CTTNBP2: variants seen among roughly 807,000 people sequenced by gnomAD.
CTTNBP2 encodes the protein cortactin binding protein 2.
In CTTNBP2, 108 loss-of-function variants were observed where a neutral mutation model predicts 156.9. The ratio of observed to expected loss-of-function variants is 0.69; its 90% CI spans 0.59 to 0.81. The LOEUF (loss-of-function observed/expected upper bound fraction) is 0.81. Ranked by LOEUF, CTTNBP2 falls within the 30% of genes least tolerant of loss-of-function variation. The pLI is 0.00. For synonymous variants in CTTNBP2, 767 were observed against 751.8 expected (o/e 1.02, Z -0.33); for missense variants, 1,924 against 2,035.4 (o/e 0.95, Z 1.05).
chr7:117,787,471 T>C lies in CTTNBP2; in HGVS notation c.2069-3017A>G, dbSNP rs12532899. 6.8e-3 allele frequency among the ~76,000 whole-genome samples: 1,034 copies of C among 152,258 alleles called. 9 individuals are homozygous for C. The highest frequency in any genetic ancestry group is 0.023 in the African/African-American group (957 of 41,540). The stretch of plus-strand genomic sequence containing the variant: ...ATTTAGCCTTTAAGCCAATCATACA[T>C]GGAGGATAATTTTTAAAAGATATGT... On this transcript the variant is annotated intron_variant, in intron 4 of 22. Coordinates refer to ENST00000160373, the MANE Select transcript of CTTNBP2 (RefSeq NM_033427.3).
intron 22 of CTTNBP2, 24 bp from the exon 23 acceptor site, chr7:117,711,806 A>G (rs1794072987): frequency 6.3e-7 from 1 of 1,593,864 alleles, no homozygotes; most frequent in South Asian, 1.1e-5. Context: ...GAAACCACAC[A>G]AGTTTATCAC....
At chr7:117,757,824 G>A in intron 11 of CTTNBP2, 51 bp downstream of exon 11, 1 of 1,239,506 alleles carries the variant, frequency 8.1e-7, no homozygotes, top group Non-Finnish European at 1.1e-6. Flanking sequence ...CTCTGAGGCA[G>A]CCATGAAGCA....
At chr7:117,718,507 GATATTATGACGATTCAA>G (rs1794589411) in intron 21 of CTTNBP2, among the ~76,000 whole-genome samples, 2 of 152,154 alleles carry the variant, frequency 1.3e-5, no homozygotes, top group African/African-American at 2.4e-5. Context: ...CTTTGTCGTA[GATATTATGACGATTCAA>G]ATAATACAGT....
Position 117,710,852 on chromosome 7 carries a change from AAAGAT to A in CTTNBP2, c.*680_*684del, listed in dbSNP as rs1438099287. 1 of 152,602 alleles carries A rather than the reference AAAGAT, an allele frequency of 6.6e-6. No homozygotes were observed. The highest frequency in any genetic ancestry group is 2.4e-5 in the African/African-American group (1 of 41,452). The allele number at this position is 152,602 out of a possible 1,614,324, so 9.5% of individuals were successfully genotyped here. ...CACTTAGGTACAAAACTTTTGTAAG[AAAGAT>A]AACACTTTTATTGCATTATAATTTC... On this transcript the variant is annotated 3_prime_UTR_variant, in exon 23 of 23. Transcript: ENST00000160373.
chr7:117,864,166 T>A (rs1278338913), intron 1 of CTTNBP2, among the ~76,000 whole-genome samples: 1 of 152,160 alleles, frequency 6.6e-6, no homozygotes, highest in Non-Finnish European at 1.5e-5. Flanking sequence ...ACTTCTGTTT[T>A]TCTATGTATT....
At chr7:117,821,319 G>T (rs1454556931) in intron 2 of CTTNBP2, among the ~76,000 whole-genome samples, 10 of 151,238 alleles carry the variant, frequency 6.6e-5, no homozygotes, top group Admixed American at 6.6e-4. Context: ...CAATTATGTT[G>T]GCTGTGTGGT....
intron 2 of CTTNBP2, among the ~76,000 whole-genome samples, chr7:117,811,353 T>G (rs1460408108): frequency 1.3e-5 from 2 of 152,028 alleles, no homozygotes; most frequent in African/African-American, 4.8e-5. Context: ...CAGGCTGGAA[T>G]GCAGTGGCAC....
At chr7:117,793,435 C>T (rs186484648) in intron 3 of CTTNBP2, 1 of 152,456 alleles carries the variant, frequency 6.6e-6, no homozygotes, top group Admixed American at 6.5e-5. Flanking sequence ...TTTGATCCTG[C>T]TTACTCCCTT....
In CTTNBP2 at chr7:117,791,448, G is replaced by C; in HGVS notation, c.1748C>G (p.Thr583Ser). ...SNTGAKVDNK[T>S]VASTPSSLPQ... ...CAAACTGGAAGGAGTCGAAGCCACA[G>C]TTTTGTTATCAACTTTGGCCCCTGT... is the stretch of plus-strand genomic sequence containing the variant. The change falls in exon 4 of 23, where the codon ACT (threonine) becomes AGT (serine). Residue 583 changes from threonine (T) to serine (S), a missense_variant. Physicochemically the swap from Thr to Ser is moderately conservative, Grantham distance 58. Transcript: ENST00000160373. The C allele has an allele frequency of 3.7e-6, 6 of 1,614,218 alleles. No homozygotes were observed. Among genetic ancestry groups the C allele is most frequent in the Non-Finnish European group, 5.1e-6 (6 of 1,180,038 alleles).
chr7:117,813,825 C>G (rs922656707), intron 2 of CTTNBP2, among the ~76,000 whole-genome samples: 2 of 152,150 alleles, frequency 1.3e-5, no homozygotes, highest in Non-Finnish European at 2.9e-5. Context: ...CAGAGAAATG[C>G]TCTCTGATAG....
chr7:117,766,163 G>T (rs983901059), intron 9 of CTTNBP2, among the ~76,000 whole-genome samples: 5 of 152,100 alleles, frequency 3.3e-5, no homozygotes, highest in Non-Finnish European at 7.4e-5. Context: ...TGTAATAAGA[G>T]AACTATTTTA....
intron 7 of CTTNBP2, among the ~76,000 whole-genome samples, chr7:117,780,051 C>T (rs539186234): frequency 2.6e-5 from 4 of 152,270 alleles, no homozygotes; most frequent in East Asian, 3.9e-4. Flanking sequence ...TGAGCCACCA[C>T]GCCCAGCCAC....
chr7:117,844,726 A>G (rs1487716107), intron 2 of CTTNBP2, among the ~76,000 whole-genome samples: 1 of 152,152 alleles, frequency 6.6e-6, no homozygotes, highest in African/African-American at 2.4e-5. Flanking sequence ...TGAGTGCACA[A>G]TAACCAGCTG....
chr7:117,762,310 T>C (rs1438324103), intron 9 of CTTNBP2, among the ~76,000 whole-genome samples: 1 of 152,204 alleles, frequency 6.6e-6, no homozygotes, highest in African/African-American at 2.4e-5. Context: ...CTCAAATTCC[T>C]GCATCCAAAT....
Position 117,735,426 on chromosome 7 carries a change from A to G in CTTNBP2, c.3536-5T>C. Reference sequence around the variant, plus strand: ...GTTTCACTGGGATCAGACAAGCTATAATAAAAAAGGAAATTCAGTGATTCA... The same window carrying G: ...GTTTCACTGGGATCAGACAAGCTATGATAAAAAAGGAAATTCAGTGATTCA... On this transcript the variant is annotated splice_polypyrimidine_tract_variant and splice_region_variant and intron_variant, in intron 14 of 22. Coordinates refer to ENST00000160373, the MANE Select transcript of CTTNBP2 (RefSeq NM_033427.3). 1 of 1,586,900 alleles carries G rather than the reference A, an allele frequency of 6.3e-7. No individual in the cohort carries two copies. The highest frequency in any genetic ancestry group is 8.5e-7 in the Non-Finnish European group (1 of 1,172,720).
chr7:117,857,088 ATTCT>A (rs1803380983), intron 2 of CTTNBP2, among the ~76,000 whole-genome samples: 1 of 152,222 alleles, frequency 6.6e-6, no homozygotes, highest in Non-Finnish European at 1.5e-5. Flanking sequence ...CTTTGGGCAC[ATTCT>A]TTATTGAACT....
At chr7:117,802,352 G>T (rs35500445) in intron 3 of CTTNBP2, among the ~76,000 whole-genome samples, 3,505 of 148,992 alleles carry the variant, frequency 0.024, 62 homozygotes, top group African/African-American at 0.035. Flanking sequence ...AACTCAAGAT[G>T]GATCAAATAT....
At chr7:117,731,709 G>A (rs1795408469) in intron 16 of CTTNBP2, among the ~76,000 whole-genome samples, 1 of 152,242 alleles carries the variant, frequency 6.6e-6, no homozygotes, top group South Asian at 2.1e-4. Context: ...AGGCTGAGAA[G>A]TTCTAAGTCT....
rs545159106 is a variant in CTTNBP2 at position 117,718,005 on chromosome 7, A to G, written c.4746+13T>C. The G allele has an allele frequency of 2.0e-6, 3 of 1,512,082 alleles. No homozygotes were observed. Among genetic ancestry groups the G allele is most frequent in the African/African-American group, 1.4e-5 (1 of 73,086 alleles). The allele number at this position is 1,512,082 out of a possible 1,614,324, so 93.7% of individuals were successfully genotyped here. A position where few individuals can be genotyped will look rare whatever the true frequency, so the allele number is the denominator to read the frequency against. On this transcript the variant is annotated intron_variant, in intron 22 of 22. Coordinates refer to ENST00000160373, the MANE Select transcript of CTTNBP2 (RefSeq NM_033427.3). ...TCATCCTTTGTTCACTTTGGGGAGA[A>G]AGGGACACTTACCTTTTGTGACACT...
Sources: allele counts gnomAD v4.1 joint callset (sites outside exome capture counted in the v4.1 genomes callset), GRCh38; gene constraint gnomAD v4.1.1; transcripts MANE v1.5; gene names NCBI Gene and HGNC (gene_info 2026-07-23, HGNC 2026-07-21).